The following GARNL3 variants were observed in gnomAD, a reference collection of about 807,000 sequenced individuals.
GARNL3 encodes GTPase activating Rap/RanGAP domain like 3, also known as GTPase-activating Rap/Ran-GAP domain-like protein 3.
GARNL3 carries 63 observed loss-of-function variants against 125.0 expected under a neutral mutation model. The observed-to-expected ratio is 0.50, with a 90% CI of 0.41 to 0.62. GARNL3 has a LOEUF of 0.62. GARNL3 is among the 20% of genes least tolerant of loss of function. GARNL3 has a pLI of 0.00. For synonymous variants in GARNL3, 439 were observed against 457.5 expected (o/e 0.96, Z 0.52); for missense variants, 994 against 1,244.0 (o/e 0.80, Z 3.02).
At chr9:127,262,766 T>G (rs1203036139), upstream of GARNL3, among the ~76,000 whole-genome samples, 1 of 152,212 alleles carries the variant, frequency 6.6e-6, no homozygotes, top group African/African-American at 2.4e-5. Context: ...AATACCTTCA[T>G]TAATGCAGTA....
At chr9:127,275,090 T>G (rs2063919285) in intron 1 of GARNL3, among the ~76,000 whole-genome samples, 1 of 152,258 alleles carries the variant, frequency 6.6e-6, no homozygotes, top group African/African-American at 2.4e-5. Context: ...GATTAAAATA[T>G]ATAATGTAAT....
intron 1 of GARNL3, among the ~76,000 whole-genome samples, chr9:127,275,993 T>G (rs2063945429): frequency 6.6e-6 from 1 of 152,218 alleles, no homozygotes; most frequent in African/African-American, 2.4e-5. Flanking sequence ...TTTTTGCTCC[T>G]TGTAATGGTT....
In GARNL3 at chr9:127,385,328, T is replaced by C. The variant is rs1048470887; in HGVS notation, c.2388+183T>C. Among the ~76,000 whole-genome samples, 1 of 152,196 alleles carries C rather than the reference T, an allele frequency of 6.6e-6. No individual in the cohort carries two copies. Among genetic ancestry groups the C allele is most frequent in the African/African-American group, 2.4e-5 (1 of 41,448 alleles). On this transcript the variant is annotated intron_variant, in intron 24 of 27. Transcript: ENST00000373387. The surrounding 1 kb of genome is among the most constrained non-coding windows in gnomAD (Gnocchi z 4.1). ...GTTGGGTTTTCATGTGTGATTTCTG[T>C]GGGCTTTCAGAACACTCCTCAGCTT...
In GARNL3 at chr9:127,389,023, A is replaced by G. The variant is rs1257941393; in HGVS notation, c.2647A>G (p.Ser883Gly). ...SKVITPPTPI[S>G]VGLAAIPVTH... ...GGTCATCACCCCACCCACTCCCATC[A>G]GTGTGGGCCTTGCTGCCATTCCAGT... The change falls in exon 26 of 28, where the codon AGT becomes GGT. Residue 883 changes from serine (S) to glycine (G), a missense_variant. By Grantham distance (56) the Ser-to-Gly change is moderately conservative. Transcript: ENST00000373387. 1.9e-6 allele frequency: 3 copies of G among 1,613,430 alleles called. No individual in the cohort carries two copies. In the South Asian group the frequency reaches 3.3e-5, roughly 18 times the overall value.
At chr9:127,314,821 G>A (rs1411898966) in intron 4 of GARNL3, among the ~76,000 whole-genome samples, 1 of 152,208 alleles carries the variant, frequency 6.6e-6, no homozygotes, top group African/African-American at 2.4e-5. Flanking sequence ...GACAGAGCAT[G>A]CTACAGGAGC....
chr9:127,234,130 T>A (rs930375334), intron 1 of GARNL3, among the ~76,000 whole-genome samples: 1 of 152,214 alleles, frequency 6.6e-6, no homozygotes, highest in African/African-American at 2.4e-5. Context: ...TGGGCTGACA[T>A]AATGGGCTCT....
chr9:127,291,070 A>T, intron 1 of GARNL3, 98 bp from the exon 2 acceptor site: 1 of 1,258,006 alleles, frequency 7.9e-7, no homozygotes, highest in East Asian at 2.3e-5. Flanking sequence ...TGGGCACTCC[A>T]GCCTGTGTCC....
intron 19 of GARNL3, 35 bp downstream of exon 19, chr9:127,354,445 G>A (rs372629762): frequency 1.0e-5 from 11 of 1,051,556 alleles, no homozygotes; most frequent in African/African-American, 6.6e-5. Flanking sequence ...CATTCGATTC[G>A]TTTTTTTTTT....
chr9:127,292,542 C>A (rs1198823097), intron 2 of GARNL3, among the ~76,000 whole-genome samples: 2 of 152,228 alleles, frequency 1.3e-5, no homozygotes, highest in Admixed American at 6.5e-5. Flanking sequence ...CTTGAGACAT[C>A]TTTCTGCTAC....
At chr9:127,361,348 T>C (rs1444948181) in intron 21 of GARNL3, among the ~76,000 whole-genome samples, 1 of 151,776 alleles carries the variant, frequency 6.6e-6, no homozygotes, top group Non-Finnish European at 1.5e-5. Flanking sequence ...ATAGTTCAAT[T>C]CTCCCTCGTT....
chr9:127,367,946 A>C (rs1383208260), intron 22 of GARNL3, among the ~76,000 whole-genome samples: 2 of 145,288 alleles, frequency 1.4e-5, no homozygotes, highest in East Asian at 4.1e-4. Flanking sequence ...TTTTCCCACT[A>C]TTTATTCCAG....
intron 12 of GARNL3, 106 bp downstream of exon 12, chr9:127,338,267 T>A (rs1829663120): frequency 2.2e-6 from 2 of 905,010 alleles, no homozygotes; most frequent in African/African-American, 3.3e-5. Context: ...ATTGATTTAA[T>A]ATGAGTGCCT....
intron 1 of GARNL3, among the ~76,000 whole-genome samples, chr9:127,238,756 T>C (rs1310624675): frequency 7.2e-6 from 1 of 139,808 alleles, no homozygotes; most frequent in Admixed American, 6.6e-5. Flanking sequence ...TTATTTTTCA[T>C]CTGCTCCCTG....
Position 127,390,765 on chromosome 9 carries a change from C to T in GARNL3, c.2868C>T (p.Asp956=). The stretch of plus-strand genomic sequence containing the variant: ...GGGCAGTGAGGTCATCTAGCAGTGA[C>T]AGGTAAAGAGAGGGAGAGGCCCCTG... ...KPGAVRSSSS[D]RIPSGSLESA... Residue 956 remains aspartate (D), a splice_region_variant and synonymous_variant, in exon 27 of 28, where the codon GAC becomes GAT. Transcript: ENST00000373387. The T allele has an allele frequency of 6.2e-7, 1 of 1,613,036 alleles. No individual in the cohort carries two copies. Among genetic ancestry groups the T allele is most frequent in the Non-Finnish European group, 8.5e-7 (1 of 1,179,380 alleles).
intron 7 of GARNL3, among the ~76,000 whole-genome samples, chr9:127,328,592 T>C (rs1240615401): frequency 2.6e-5 from 4 of 152,104 alleles, no homozygotes; most frequent in Non-Finnish European, 1.5e-5. Flanking sequence ...AGGAAAGATG[T>C]GTAGGAACTT....
chr9:127,250,723 G>A (rs1290434077), intron 2 of GARNL3, among the ~76,000 whole-genome samples: 1 of 152,114 alleles, frequency 6.6e-6, no homozygotes, highest in African/African-American at 2.4e-5. Flanking sequence ...TGAAGGGAGA[G>A]GGATGTGGAT....
chr9:127,369,476 G>A (rs1379204775), intron 22 of GARNL3, among the ~76,000 whole-genome samples: 4 of 152,234 alleles, frequency 2.6e-5, no homozygotes, highest in African/African-American at 9.6e-5. Context: ...GAGAGACAGA[G>A]GCACCAGCAA....
At chr9:127,253,311 TA>T (rs1564851011) in intron 2 of GARNL3, among the ~76,000 whole-genome samples, 1 of 152,224 alleles carries the variant, frequency 6.6e-6, no homozygotes, top group African/African-American at 2.4e-5. Context: ...TCTCCTCAGA[TA>T]TTTGAGATAT....
intron 3 of GARNL3, among the ~76,000 whole-genome samples, chr9:127,312,244 A>G (rs970337069): frequency 1.3e-5 from 2 of 152,206 alleles, no homozygotes; most frequent in Admixed American, 6.5e-5. Context: ...GTGCAGAGCA[A>G]TGGGGATACA....
Sources: gnomAD v4.1 joint callset for allele counts (sites outside exome capture counted in the v4.1 genomes callset) on GRCh38, gnomAD v4.1.1 for gene constraint, Gnocchi (gnomAD v3.1) non-coding constraint, MANE v1.5 for transcripts, NCBI Gene and HGNC (gene_info 2026-07-23, HGNC 2026-07-21) for gene names.